The following GABRA3 variants were observed in gnomAD, a reference collection of about 807,000 sequenced individuals.
The protein encoded by GABRA3 is gamma-aminobutyric acid type A receptor subunit alpha3.
Under a neutral mutation model 30.1 loss-of-function variants are expected in GABRA3, and 10 were observed. The ratio of observed to expected loss-of-function variants is 0.33; its 90% CI spans 0.20 to 0.56. The LOEUF is 0.56. GABRA3 is among the 20% of genes least tolerant of loss of function. The probability of loss-of-function intolerance (pLI) is 0.89; values close to 1 mark genes in which losing one functional copy is unlikely to be tolerated. For missense variants in GABRA3, 233 were observed against 392.0 expected, an observed-to-expected ratio of 0.59 and a Z score of 3.42; for synonymous variants, 151 against 146.8, an observed-to-expected ratio of 1.03 and a Z score of -0.21.
At chrX:152,380,133 T>C (rs1929104131) in intron 1 of GABRA3, among the ~76,000 whole-genome samples, 1 of 112,047 alleles carries the variant, frequency 8.9e-6, no homozygotes, top group Non-Finnish European at 1.9e-5. Context: ...ATTTACTCCT[T>C]CATTTTGAAA....
At chrX:152,344,720 C>T (rs2124481410) in intron 3 of GABRA3, among the ~76,000 whole-genome samples, 1 of 111,895 alleles carries the variant, frequency 8.9e-6, no homozygotes, top group African/African-American at 3.2e-5. Context: ...ACATAATTAA[C>T]TCCTATGGTG....
chrX:152,239,070 T>G (rs1445198729), intron 5 of GABRA3, among the ~76,000 whole-genome samples: 4 of 105,842 alleles, frequency 3.8e-5, no homozygotes, highest in Non-Finnish European at 7.8e-5. Context: ...TTTCTAGTTC[T>G]TTTAATTGTG....
Position 152,262,238 on chromosome X carries a change from C to T in GABRA3, c.331-6240G>A, listed in dbSNP as rs370410052. On this transcript the variant is annotated intron_variant, in intron 4 of 9. Coordinates refer to ENST00000370314, the MANE Select transcript of GABRA3 (RefSeq NM_000808.4). ...CCTGTGATGGAAGGGGCTGCTGTAA[C>T]GGTCTCTGACATGTCCTGGAGATAT... 1.2e-4 allele frequency among the ~76,000 whole-genome samples: 13 copies of T among 112,692 alleles called. 1 individual carries two copies. The highest frequency in any genetic ancestry group is 1.1e-3 in the East Asian group (4 of 3,555).
At chrX:152,376,541 T>C (rs967017680) in intron 1 of GABRA3, among the ~76,000 whole-genome samples, 3 of 111,396 alleles carry the variant, frequency 2.7e-5, no homozygotes, top group South Asian at 7.6e-4. Context: ...TTCTCACCTA[T>C]ATCTTAAATC....
In GABRA3 at chrX:152,417,729, C is replaced by G. The variant is rs1346617680; in HGVS notation, c.-27+33417G>C. Among the ~76,000 whole-genome samples, 5 of 99,503 alleles carry G rather than the reference C, an allele frequency of 5.0e-5. No individual in the cohort carries two copies. The Admixed American group carries it at 5.6e-4, about 11-fold the overall frequency. 86.4% of individuals were successfully genotyped at this position (99,503 alleles called of 115,157 possible). A position where few individuals can be genotyped will look rare whatever the true frequency, so the allele number is the denominator to read the frequency against. On this transcript the variant is annotated intron_variant, in intron 1 of 9. Transcript: ENST00000370314. ...GATGAGTTCATGTCCTTTGTAGGGA[C>G]ATGGATGAAGTTGGAAATCATCATT...
At chrX:152,415,162 A>C (rs1930179281) in intron 1 of GABRA3, among the ~76,000 whole-genome samples, 1 of 111,123 alleles carries the variant, frequency 9.0e-6, no homozygotes, top group African/African-American at 3.3e-5. Flanking sequence ...TATATACTTT[A>C]GTTAATAAAA....
rs1197678727 is a variant in GABRA3, at chrX:152,207,988, A to G, written c.778+13T>C. 8.3e-7 allele frequency: 1 copy of G among 1,200,076 alleles called. No individual in the cohort carries two copies. Among genetic ancestry groups the G allele is most frequent in the South Asian group, 1.8e-5 (1 of 55,246 alleles). On this transcript the variant is annotated intron_variant, in intron 7 of 9. Transcript: ENST00000370314. The stretch of plus-strand genomic sequence containing the variant: ...GTTACAGAAATGTTTGTTAAATAAA[A>G]TAAGTTAAATACCTGTACTAGACCG...
intron 1 of GABRA3, among the ~76,000 whole-genome samples, chrX:152,433,536 GAT>G (rs1043457685): frequency 4.6e-5 from 5 of 109,379 alleles, no homozygotes; most frequent in Admixed American, 9.9e-5. Context: ...AAAAAGTGCA[GAT>G]AGGGGTAGTT....
At chrX:152,182,895 T>C (rs1480469076) in intron 9 of GABRA3, among the ~76,000 whole-genome samples, 1 of 98,858 alleles carries the variant, frequency 1.0e-5, no homozygotes. Context: ...ATATATAGTG[T>C]ATACATATAT....
intron 2 of GABRA3, 96 bp from the exon 3 acceptor site, chrX:152,345,798 C>A: frequency 1.2e-6 from 1 of 809,256 alleles, no homozygotes. Flanking sequence ...AATTAATAGA[C>A]TGGGCCAATT....
At chrX:152,307,747 T>C (rs1168870660) in intron 3 of GABRA3, among the ~76,000 whole-genome samples, 1 of 111,679 alleles carries the variant, frequency 9.0e-6, no homozygotes, top group Non-Finnish European at 1.9e-5. Flanking sequence ...GGCTCATTCC[T>C]GGTCCTGAGT....
intron 3 of GABRA3, among the ~76,000 whole-genome samples, chrX:152,328,517 C>A (rs1940105551): frequency 8.9e-6 from 1 of 112,051 alleles, no homozygotes; most frequent in Non-Finnish European, 1.9e-5. Context: ...AAGTTAGCTT[C>A]ATCCCAGGGA....
intron 5 of GABRA3, among the ~76,000 whole-genome samples, chrX:152,248,005 G>A (rs1470111269): frequency 1.8e-5 from 2 of 110,442 alleles, no homozygotes; most frequent in Admixed American, 1.9e-4. Context: ...CATTCTCAAC[G>A]CACCTTTTTC....
chrX:152,255,131 A>G, intron 5 of GABRA3, among the ~76,000 whole-genome samples: 1 of 111,314 alleles, frequency 9.0e-6, no homozygotes, highest in Non-Finnish European at 1.9e-5. Context: ...ATCTATATAT[A>G]CACACACACA....
At chrX:152,422,715 TA>T (rs1419028661) in intron 1 of GABRA3, among the ~76,000 whole-genome samples, 1 of 111,216 alleles carries the variant, frequency 9.0e-6, no homozygotes, top group East Asian at 2.8e-4. Flanking sequence ...CCCAACACAA[TA>T]TTCTTAAAGA....
chrX:152,231,302 C>CGTGTGTGTACACGTGTGTGTGTACACGT (rs779062342), intron 5 of GABRA3, among the ~76,000 whole-genome samples: 6 of 105,062 alleles, frequency 5.7e-5, no homozygotes, highest in African/African-American at 2.1e-4. Context: ...TGTATATATA[C>CGTGTGTGTACACGTGTGTGTGTACACGT]GTGTGTGTAC....
At chrX:152,405,062 A>G (rs773292516) in intron 1 of GABRA3, among the ~76,000 whole-genome samples, 8 of 108,618 alleles carry the variant, frequency 7.4e-5, no homozygotes, top group Non-Finnish European at 1.3e-4. Flanking sequence ...TCAAGGGAGG[A>G]GGCATTGAAG....
intron 3 of GABRA3, among the ~76,000 whole-genome samples, chrX:152,307,114 C>T (rs1356875665): frequency 9.0e-6 from 1 of 111,149 alleles, no homozygotes; most frequent in African/African-American, 3.3e-5. Context: ...AGTCCTGGGT[C>T]AACTCCTTAT....
intron 3 of GABRA3, among the ~76,000 whole-genome samples, chrX:152,333,413 G>A (rs867270930): frequency 2.7e-5 from 3 of 111,739 alleles, no homozygotes; most frequent in Middle Eastern, 4.7e-3. Flanking sequence ...GCTTTCCACT[G>A]AAATAAGAAA....
Sources: allele counts gnomAD v4.1 joint callset (sites outside exome capture counted in the v4.1 genomes callset), GRCh38; gene constraint gnomAD v4.1.1; transcripts MANE v1.5; gene names NCBI Gene and HGNC (gene_info 2026-07-23, HGNC 2026-07-21).